Variants in STT3B observed in about 807,000 individuals in gnomAD.
The protein encoded by STT3B is STT3 oligosaccharyltransferase complex catalytic subunit B, also known as dolichyl-diphosphooligosaccharide--protein glycosyltransferase subunit STT3B.
A neutral mutation model predicts 96.8 loss-of-function variants in STT3B; 29 were observed. The observed-to-expected ratio is 0.30, with a 90% CI of 0.22 to 0.41. The LOEUF (loss-of-function observed/expected upper bound fraction) is 0.41, where lower values mean the gene tolerates loss of function less well. Among genes scored for constraint, STT3B ranks in the 10% least tolerant of loss-of-function variants. The pLI is 1.00. For missense variants in STT3B, 640 were observed against 1,022.3 expected (o/e 0.63, Z 5.10); for synonymous variants, 367 against 360.0 (o/e 1.02, Z -0.22).
chr3:31,614,743 A>G lies in STT3B; in HGVS notation c.878-362A>G, dbSNP rs185283315. 2.1e-3 allele frequency among the ~76,000 whole-genome samples: 323 copies of G among 151,600 alleles called. 1 individual carries two copies. The highest frequency in any genetic ancestry group is 7.6e-3 in the African/African-American group (313 of 41,176). The stretch of plus-strand genomic sequence containing the variant: ...AGTCGTGTATTTTGGATTAATGCCA[A>G]TAGGACTGATATTTACTTAATTTTA... On this transcript the variant is annotated intron_variant, in intron 5 of 15. Transcript: ENST00000295770.
chr3:31,578,970 G>T (rs890696226), intron 2 of STT3B, among the ~76,000 whole-genome samples: 3 of 151,996 alleles, frequency 2.0e-5, no homozygotes, highest in Non-Finnish European at 4.4e-5. Context: ...TGTAGTTTCT[G>T]TTATGGAGTA....
chr3:31,624,847 A>G (rs1298845016), intron 11 of STT3B, 67 bp from the exon 12 acceptor site: 1 of 1,313,984 alleles, frequency 7.6e-7, no homozygotes, highest in African/African-American at 1.5e-5. Flanking sequence ...TTAATACCTC[A>G]AGATTTTAAG....
chr3:31,576,656 T>C (rs1176130977), intron 2 of STT3B, 152 bp downstream of exon 2: 2 of 462,136 alleles, frequency 4.3e-6, no homozygotes, highest in African/African-American at 4.1e-5. Flanking sequence ...TTACTTAGGC[T>C]CTTTTCTTGA....
intron 3 of STT3B, among the ~76,000 whole-genome samples, chr3:31,585,645 A>T (rs1698520777): frequency 6.6e-6 from 1 of 151,652 alleles, no homozygotes; most frequent in African/African-American, 2.4e-5. Flanking sequence ...TCCCTACCCC[A>T]TTTCTGGCAA....
chr3:31,573,805 G>T (rs1038178559), intron 1 of STT3B, among the ~76,000 whole-genome samples: 1 of 152,160 alleles, frequency 6.6e-6, no homozygotes, highest in Non-Finnish European at 1.5e-5. Flanking sequence ...AATAATTGAA[G>T]ACTTGGGTGA....
intron 5 of STT3B, among the ~76,000 whole-genome samples, chr3:31,601,622 A>G (rs1575435277): frequency 6.6e-6 from 1 of 152,236 alleles, no homozygotes; most frequent in South Asian, 2.1e-4. Flanking sequence ...AGAGGAGAGG[A>G]GAGGTGTGAC....
At chr3:31,615,736 A>C (rs1699292954) in intron 6 of STT3B, among the ~76,000 whole-genome samples, 1 of 151,930 alleles carries the variant, frequency 6.6e-6, no homozygotes, top group Non-Finnish European at 1.5e-5. Flanking sequence ...ACACGTATGC[A>C]TTACAACATT....
At position 31,580,126 on chromosome 3, in the gene STT3B, T is replaced by G. The variant is rs772108440; in HGVS notation, c.711+30T>G. 3.5e-5 allele frequency: 56 copies of G among 1,595,190 alleles called. No homozygotes were observed. The East Asian group carries it at 1.2e-3, about 35-fold the overall frequency. ...GTGACATTTAATGTTTTGCTGCCAT[T>G]ATTACTCGTGACCTTTCTCCTGAAA... On this transcript the variant is annotated intron_variant, in intron 3 of 15. Coordinates refer to ENST00000295770, the MANE Select transcript of STT3B (RefSeq NM_178862.3).
At chr3:31,542,549 CA>C (rs567258431) in intron 1 of STT3B, among the ~76,000 whole-genome samples, 86 of 152,286 alleles carry the variant, frequency 5.6e-4, no homozygotes, top group African/African-American at 1.8e-3. Flanking sequence ...CTACAGAATT[CA>C]AACTTAATAT....
chr3:31,621,174 G>A (rs1008808424), intron 9 of STT3B, among the ~76,000 whole-genome samples: 1 of 152,164 alleles, frequency 6.6e-6, no homozygotes, highest in Non-Finnish European at 1.5e-5. Flanking sequence ...TAAAGAACAG[G>A]ATGGGGAAAT....
intron 1 of STT3B, among the ~76,000 whole-genome samples, chr3:31,563,564 A>C (rs1697930711): frequency 6.6e-6 from 1 of 152,322 alleles, no homozygotes; most frequent in Non-Finnish European, 1.5e-5. Flanking sequence ...ACTACTGTAG[A>C]TTGAGAAGTG....
intron 8 of STT3B, among the ~76,000 whole-genome samples, chr3:31,618,360 A>G (rs1037219581): frequency 6.6e-6 from 1 of 151,950 alleles, no homozygotes; most frequent in Non-Finnish European, 1.5e-5. Context: ...ATTGCCATAG[A>G]TAGGAAGAAA....
chr3:31,537,515 G>T (rs1697132302), intron 1 of STT3B, among the ~76,000 whole-genome samples: 1 of 152,142 alleles, frequency 6.6e-6, no homozygotes, highest in African/African-American at 2.4e-5. Context: ...TCCCATTTCG[G>T]TTGAGTGTGA....
At chr3:31,549,041 T>A (rs532978154) in intron 1 of STT3B, among the ~76,000 whole-genome samples, 1 of 152,280 alleles carries the variant, frequency 6.6e-6, no homozygotes, top group South Asian at 2.1e-4. Flanking sequence ...TGTAAGATTT[T>A]AATTTTTTTT....
intron 15 of STT3B, among the ~76,000 whole-genome samples, chr3:31,633,929 TAGCTC>T (rs1699712682): frequency 6.6e-6 from 1 of 152,204 alleles, no homozygotes; most frequent in African/African-American, 2.4e-5. Flanking sequence ...TAGGTTTACA[TAGCTC>T]AGATCAGCTA....
intron 5 of STT3B, among the ~76,000 whole-genome samples, chr3:31,608,352 G>T (rs1368507221): frequency 1.3e-5 from 2 of 152,142 alleles, no homozygotes; most frequent in African/African-American, 4.8e-5. Flanking sequence ...CCTTAGATCG[G>T]TTTACAATAT....
chr3:31,548,718 A>G (rs1697475976), intron 1 of STT3B, among the ~76,000 whole-genome samples: 1 of 152,138 alleles, frequency 6.6e-6, no homozygotes, highest in African/African-American at 2.4e-5. Flanking sequence ...CTGTTCGGAA[A>G]GGGGGTGAAG....
chr3:31,599,243 C>A (rs1356594912), intron 4 of STT3B, among the ~76,000 whole-genome samples: 1 of 151,964 alleles, frequency 6.6e-6, no homozygotes, highest in Non-Finnish European at 1.5e-5. Context: ...TTGAGCTAAT[C>A]TTTTTTTTCT....
At chr3:31,587,875 A>C (rs954195487) in intron 3 of STT3B, among the ~76,000 whole-genome samples, 1 of 152,134 alleles carries the variant, frequency 6.6e-6, no homozygotes, top group African/African-American at 2.4e-5. Flanking sequence ...AAGGATGCTG[A>C]ACTTCTATCC....
Sources: gnomAD v4.1 joint callset for allele counts (sites outside exome capture counted in the v4.1 genomes callset) on GRCh38, gnomAD v4.1.1 for gene constraint, MANE v1.5 for transcripts, NCBI Gene and HGNC (gene_info 2026-07-23, HGNC 2026-07-21) for gene names.